AP1G1: variants seen among roughly 807,000 people sequenced by gnomAD.
AP1G1 encodes the protein AP-1 complex subunit gamma-1.
A neutral mutation model predicts 108.3 loss-of-function variants in AP1G1; 7 were observed. The observed-to-expected ratio is 0.06, with a 90% CI of 0.04 to 0.12. The LOEUF is 0.12. Ranked by LOEUF, AP1G1 falls within the 10% of genes least tolerant of loss-of-function variation. The pLI is 1.00. For missense variants in AP1G1, 756 were observed against 1,010.7 expected (o/e 0.75, Z 3.42); for synonymous variants, 379 against 353.5 (o/e 1.07, Z -0.81).
chr16:71,777,854 G>A (rs2031850189), intron 2 of AP1G1: 8 of 310,366 alleles, frequency 2.6e-5, no homozygotes, highest in South Asian at 2.3e-4. Flanking sequence ...ACTGGAGCTG[G>A]CAGGCAGCTA....
intron 17 of AP1G1, among the ~76,000 whole-genome samples, chr16:71,746,076 C>T (rs150660520): frequency 2.0e-5 from 3 of 151,962 alleles, no homozygotes; most frequent in African/African-American, 7.3e-5. Context: ...GTGGCATGAT[C>T]TTGGCTCACT....
chr16:71,779,033 A>C (rs1051897045), intron 2 of AP1G1, among the ~76,000 whole-genome samples: 1 of 152,248 alleles, frequency 6.6e-6, no homozygotes, highest in Non-Finnish European at 1.5e-5. Flanking sequence ...AGACCAGAGT[A>C]AACAGTCCAG....
intron 22 of AP1G1, among the ~76,000 whole-genome samples, chr16:71,734,103 C>A (rs181980920): frequency 1.3e-5 from 2 of 152,218 alleles, no homozygotes; most frequent in African/African-American, 4.8e-5. Context: ...TAAAGAAATT[C>A]TCTGAACCAT....
chr16:71,781,958 G>T (rs1031185416), intron 2 of AP1G1, among the ~76,000 whole-genome samples: 2 of 152,134 alleles, frequency 1.3e-5, no homozygotes, highest in African/African-American at 4.8e-5. Flanking sequence ...ACCAGGAGGC[G>T]TATAATTATT....
At position 71,794,835 on chromosome 16, in the gene AP1G1, C is replaced by CTTTTTTTTTTTTT. The variant is rs55761928; in HGVS notation, c.-3-5366_-3-5354dup. Among the ~76,000 whole-genome samples the CTTTTTTTTTTTTT allele has an allele frequency of 5.7e-3, 226 of 39,648 alleles. 21 individuals are homozygous for CTTTTTTTTTTTTT. The highest frequency in any genetic ancestry group is 0.029 in the Middle Eastern group (1 of 34). The allele number at this position is 39,648 out of a possible 152,430, so 26.0% of individuals were successfully genotyped here. On this transcript the variant is annotated intron_variant, in intron 1 of 22. Coordinates refer to ENST00000299980, the MANE Select transcript of AP1G1 (RefSeq NM_001128.6). ...TACCATTCTCAGGCCATGAGAAGTG[C>CTTTTTTTTTTTTT]TTTTTTTTTTTTTTTTTTTTTTTTT... is the stretch of plus-strand genomic sequence containing the variant.
intron 1 of AP1G1, among the ~76,000 whole-genome samples, chr16:71,794,320 TC>T (rs2032504012): frequency 6.6e-6 from 1 of 152,214 alleles, no homozygotes; most frequent in Admixed American, 6.5e-5. Context: ...GCTTAAGTGT[TC>T]CATATTTTAT....
In AP1G1 at chr16:71,758,918, A is replaced by G. The variant is rs772929632; in HGVS notation, c.978T>C (p.Tyr326=). The G allele has an allele frequency of 1.1e-5, 17 of 1,573,978 alleles. No individual in the cohort carries two copies. In the South Asian group the frequency reaches 1.6e-4, roughly 15 times the overall value. Residue 326 remains tyrosine, a synonymous_variant, in exon 11 of 23, where the codon TAT becomes TAC. Transcript: ENST00000299980. The part of the protein sequence containing the change: ...FLLNNDKNIR[Y]VALTSLLKTV... ...TCTTCAACAAAGATGTCAGAGCCACATATCTGGATGAAACAGTTGCAAAAT... is the reference window on the plus strand; with the variant it reads ...TCTTCAACAAAGATGTCAGAGCCACGTATCTGGATGAAACAGTTGCAAAAT...
intron 1 of AP1G1, among the ~76,000 whole-genome samples, chr16:71,807,301 G>A (rs2033028340): frequency 6.6e-6 from 1 of 152,160 alleles, no homozygotes; most frequent in Admixed American, 6.6e-5. Flanking sequence ...GCGTGGCGGC[G>A]TGTGCCTGTA....
intron 1 of AP1G1, among the ~76,000 whole-genome samples, chr16:71,800,966 G>C (rs749016953): frequency 6.6e-5 from 10 of 152,080 alleles, no homozygotes; most frequent in Non-Finnish European, 1.0e-4. Flanking sequence ...TTGCACTCCA[G>C]CCTGGGCAGC....
rs539644361 is a variant in AP1G1, at chr16:71,772,970, T to C, written c.468+251A>G. On this transcript the variant is annotated intron_variant, in intron 4 of 22. Transcript: ENST00000299980. ...TCTGTTCATAATCACCTTGCTGTAA[T>C]ACTGTTTAGAATCAGATAACTTAGG... The C allele has an allele frequency of 7.2e-6, 4 of 555,952 alleles. No homozygotes were observed. The East Asian group carries it at 1.2e-4, about 17-fold the overall frequency. The allele number at this position is 555,952 out of a possible 1,614,324, so 34.4% of individuals were successfully genotyped here.
At chr16:71,781,021 T>C (rs1193549624) in intron 2 of AP1G1, among the ~76,000 whole-genome samples, 1 of 152,160 alleles carries the variant, frequency 6.6e-6, no homozygotes, top group Non-Finnish European at 1.5e-5. Flanking sequence ...TCTCACTATG[T>C]TACCTGGGCT....
intron 13 of AP1G1, 59 bp downstream of exon 13, chr16:71,753,774 C>T: frequency 6.8e-7 from 1 of 1,464,152 alleles, no homozygotes; most frequent in Non-Finnish European, 9.5e-7. Flanking sequence ...ACATAAACTT[C>T]ATGATAACAT....
intron 9 of AP1G1, among the ~76,000 whole-genome samples, chr16:71,763,228 T>C (rs1363986621): frequency 2.0e-5 from 3 of 152,300 alleles, no homozygotes; most frequent in South Asian, 4.1e-4. Flanking sequence ...AAGTGTTGAA[T>C]GATTGTGTGA....
At chr16:71,808,361 C>A in intron 1 of AP1G1, 1 of 853,472 alleles carries the variant, frequency 1.2e-6, no homozygotes, top group Non-Finnish European at 1.6e-6. Context: ...ACAGACCTGA[C>A]ACGGGTACAA....
chr16:71,806,311 G>C (rs1435319272), intron 1 of AP1G1, among the ~76,000 whole-genome samples: 3 of 152,180 alleles, frequency 2.0e-5, no homozygotes, highest in Non-Finnish European at 2.9e-5. Context: ...CTGATCAATG[G>C]TGCACTAAAC....
In AP1G1 at chr16:71,805,432, C is replaced by CA. The variant is rs554133674; in HGVS notation, c.-4+3330dup. Among the ~76,000 whole-genome samples the CA allele has an allele frequency of 1.7e-4, 26 of 152,174 alleles. No homozygotes were observed. The East Asian group carries it at 3.9e-3, about 23-fold the overall frequency. On this transcript the variant is annotated intron_variant, in intron 1 of 22. Coordinates refer to ENST00000299980, the MANE Select transcript of AP1G1 (RefSeq NM_001128.6). ...AGCCACTGCACTCCAGCCTGGGAGA[C>CA]AGAGTAAGACTTTGTCTCAAAAAAC... is the stretch of plus-strand genomic sequence containing the variant.
intron 16 of AP1G1, 112 bp downstream of exon 16, chr16:71,748,139 C>A: frequency 9.1e-7 from 1 of 1,097,810 alleles, no homozygotes; most frequent in Non-Finnish European, 1.3e-6. Flanking sequence ...TGTTATTATT[C>A]TCTCTACTTT....
intron 12 of AP1G1, among the ~76,000 whole-genome samples, chr16:71,755,416 G>A (rs963462057): frequency 3.3e-5 from 5 of 151,904 alleles, no homozygotes; most frequent in African/African-American, 1.2e-4. Context: ...CAGCCTAGGT[G>A]ACAAAGTGAG....
At chr16:71,748,647 T>G (rs946455767) in intron 15 of AP1G1, among the ~76,000 whole-genome samples, 1 of 152,058 alleles carries the variant, frequency 6.6e-6, no homozygotes, top group Non-Finnish European at 1.5e-5. Context: ...GAGGCAATAT[T>G]AGAGCTTCAA....
Sources: gnomAD v4.1 joint callset for allele counts (sites outside exome capture counted in the v4.1 genomes callset) on GRCh38, gnomAD v4.1.1 for gene constraint, MANE v1.5 for transcripts, NCBI Gene and HGNC (gene_info 2026-07-23, HGNC 2026-07-21) for gene names.